SRPRA: variants seen among roughly 807,000 people sequenced by gnomAD.
SRPRA encodes the protein SRP receptor subunit alpha.
SRPRA carries 30 observed loss-of-function variants against 61.1 expected under a neutral mutation model. The observed-to-expected ratio is 0.49, with a 90% CI of 0.37 to 0.67. The LOEUF (loss-of-function observed/expected upper bound fraction) is 0.67. Ranked by LOEUF, SRPRA falls within the 30% of genes least tolerant of loss-of-function variation. SRPRA has a pLI of 0.00. For synonymous variants in SRPRA, 324 were observed against 299.7 expected (o/e 1.08, Z -0.84); for missense variants, 759 against 828.4 (o/e 0.92, Z 1.03).
chr11:126,253,633 C>T, the SRPRA span, among the ~76,000 whole-genome samples: 39 of 152,304 alleles, frequency 2.6e-4, no homozygotes, highest in Non-Finnish European at 7.4e-5. The surrounding 1 kb of genome is among the most constrained non-coding windows in gnomAD (Gnocchi z 5.1). Context: ...CTCAGTGACT[C>T]AGCCAGGCAT....
the SRPRA span, chr11:126,241,035 A>T: frequency 2.5e-6 from 4 of 1,591,884 alleles, no homozygotes. Context: ...TTATCCAGAA[A>T]CTCTCTCCTG....
the SRPRA span, among the ~76,000 whole-genome samples, chr11:126,245,838 A>G: frequency 6.6e-6 from 1 of 152,204 alleles, no homozygotes; most frequent in African/African-American, 2.4e-5. Context: ...CTCTAATAAA[A>G]ATACATAATT....
chr11:126,236,194 T>C, the SRPRA span, among the ~76,000 whole-genome samples: 12 of 152,354 alleles, frequency 7.9e-5, no homozygotes, highest in East Asian at 2.1e-3. Flanking sequence ...GTTTGCTGGA[T>C]CTCATGTCCT....
downstream of SRPRA, among the ~76,000 whole-genome samples, chr11:126,260,230 G>A (rs914907248): frequency 4.0e-5 from 6 of 151,450 alleles, no homozygotes; most frequent in African/African-American, 4.9e-5. Flanking sequence ...ATGGGGTTTC[G>A]CCATGTTGCC....
At chr11:126,260,436 A>G (rs567865035), downstream of SRPRA, 83 of 150,014 alleles carry the variant, frequency 5.5e-4, no homozygotes, top group African/African-American at 1.8e-3. Context: ...TCAGTAGTGG[A>G]TTGTACATTT....
At chr11:126,244,917 CTTAATATTA>C in the SRPRA span, 2 of 152,182 alleles carry the variant, frequency 1.3e-5, no homozygotes, top group African/African-American at 4.8e-5. This position sits in a 1 kb window ranked among gnomAD's most constrained non-coding sequence, Gnocchi z 4.5. Context: ...AATCAGAAGA[CTTAATATTA>C]TTAAGATGGA....
Position 126,267,049 on chromosome 11 carries a change from G to A in SRPRA, c.526+126C>T. The A allele has an allele frequency of 2.0e-6, 3 of 1,520,330 alleles. No homozygotes were observed. The highest frequency in any genetic ancestry group is 2.7e-6 in the Non-Finnish European group (3 of 1,127,620). The allele number at this position is 1,520,330 out of a possible 1,614,324, so 94.2% of individuals were successfully genotyped here. Reference sequence around the variant, plus strand: ...CATCTTGGAGTTCATAAGGCCTGGGGATTATAGGATGGTGACCATTTGAGT... The same window carrying A: ...CATCTTGGAGTTCATAAGGCCTGGGAATTATAGGATGGTGACCATTTGAGT... On this transcript the variant is annotated intron_variant, in intron 4 of 13. Transcript: ENST00000332118. The surrounding 1 kb of genome is among the most constrained non-coding windows in gnomAD (Gnocchi z 4.2).
At position 126,263,887 on chromosome 11, in the gene SRPRA, C is replaced by A. The variant is rs757794917; in HGVS notation, c.*29G>T. The stretch of plus-strand genomic sequence containing the variant: ...CAGGAAGAAGGGCTTGTGGGGAAAG[C>A]GGCGATTTGGTATTGGGCAAGAGCC... On this transcript the variant is annotated 3_prime_UTR_variant, in exon 14 of 14. Coordinates refer to ENST00000332118, the MANE Select transcript of SRPRA (RefSeq NM_003139.4). 3.7e-6 allele frequency: 6 copies of A among 1,610,706 alleles called. No individual in the cohort carries two copies. The East Asian group carries it at 1.1e-4, about 30-fold the overall frequency.
chr11:126,240,161 A>G, the SRPRA span, among the ~76,000 whole-genome samples: 3 of 152,164 alleles, frequency 2.0e-5, no homozygotes, highest in Non-Finnish European at 4.4e-5. Context: ...TCTGCTTATC[A>G]TGGTAAGAAA....
chr11:126,266,130 T>G (rs769736745), intron 7 of SRPRA, 49 bp from the exon 8 acceptor site: 38 of 1,611,844 alleles, frequency 2.4e-5, no homozygotes, highest in Non-Finnish European at 1.1e-5. Context: ...TAGGCAGGAG[T>G]TGTATCTTAC....
chr11:126,242,569 G>A, the SRPRA span, among the ~76,000 whole-genome samples: 2 of 152,128 alleles, frequency 1.3e-5, no homozygotes, highest in African/African-American at 2.4e-5. Context: ...TTAAAATAAC[G>A]ATGTAGTTGA....
chr11:126,254,573 C>G, the SRPRA span: 1 of 1,160,182 alleles, frequency 8.6e-7, no homozygotes, highest in Non-Finnish European at 1.2e-6. Context: ...TGGCTCATGC[C>G]TATAATCCCA....
At chr11:126,251,973 CGTTTTGTTTTGTTTT>C in the SRPRA span, among the ~76,000 whole-genome samples, 10 of 151,154 alleles carry the variant, frequency 6.6e-5, no homozygotes, top group South Asian at 6.3e-4. Flanking sequence ...TGTGCCTGGC[CGTTTTGTTTTGTTTT>C]GTTTTGTTTT....
downstream of SRPRA, among the ~76,000 whole-genome samples, chr11:126,259,600 T>C (rs987168895): frequency 1.3e-5 from 2 of 151,312 alleles, no homozygotes; most frequent in Non-Finnish European, 2.9e-5. Flanking sequence ...TAATTTTTTG[T>C]ATTTTTAGTA....
the SRPRA span, among the ~76,000 whole-genome samples, chr11:126,251,091 T>C: frequency 6.6e-6 from 1 of 152,198 alleles, no homozygotes; most frequent in Non-Finnish European, 1.5e-5. Flanking sequence ...ATGGCATCTA[T>C]TGGAAATGTA....
chr11:126,261,264 T>G (rs1158466249), downstream of SRPRA: 9 of 613,586 alleles, frequency 1.5e-5, no homozygotes, highest in Non-Finnish European at 2.6e-5. Flanking sequence ...CTACTCCAGT[T>G]TATCCTCTCT....
chr11:126,268,752 A>G lies in SRPRA; in HGVS notation c.53T>C (p.Phe18Ser). 1 of 1,613,866 alleles carries G rather than the reference A, an allele frequency of 6.2e-7. No individual in the cohort carries two copies. Among genetic ancestry groups the G allele is most frequent in the Non-Finnish European group, 8.5e-7 (1 of 1,180,030 alleles). Reference protein sequence around the residue: ...FSKGGLVLWCFQGVSDSCTGP... With the variant: ...FSKGGLVLWCSQGVSDSCTGP... The stretch of plus-strand genomic sequence containing the variant: ...GGTGCATGAGTCGCTAACGCCCTGG[A>G]AGCACCAGAGCACAAGCCCGCCCTT... Residue 18 changes from phenylalanine (F) to serine (S), a missense_variant, in exon 1 of 14, where the codon TTC (phenylalanine) becomes TCC (serine). Phe to Ser is a radical substitution (Grantham distance 155, BLOSUM62 -2). Coordinates refer to ENST00000332118, the MANE Select transcript of SRPRA (RefSeq NM_003139.4).
At chr11:126,255,061 C>G in the SRPRA span, among the ~76,000 whole-genome samples, 1 of 152,154 alleles carries the variant, frequency 6.6e-6, no homozygotes, top group South Asian at 2.1e-4. This position sits in a 1 kb window ranked among gnomAD's most constrained non-coding sequence, Gnocchi z 4.6. Context: ...CTCTCTGTGT[C>G]AGAAATAATT....
chr11:126,240,808 T>C, the SRPRA span: 1 of 1,605,752 alleles, frequency 6.2e-7, no homozygotes. Flanking sequence ...GCTTCCAAGC[T>C]TAAAAACTAA....
Sources: gnomAD v4.1 joint callset for allele counts (sites outside exome capture counted in the v4.1 genomes callset) on GRCh38, gnomAD v4.1.1 for gene constraint, Gnocchi (gnomAD v3.1) non-coding constraint, MANE v1.5 for transcripts, NCBI Gene and HGNC (gene_info 2026-07-23, HGNC 2026-07-21) for gene names.